Variants in MEFV observed in about 807,000 individuals in gnomAD.
MEFV encodes MEFV innate immunity regulator, pyrin, also known as pyrin.
MEFV carries 60 observed loss-of-function variants against 62.5 expected under a neutral mutation model. That is an observed-to-expected ratio of 0.96 (90% CI 0.78 to 1.19). The LOEUF (loss-of-function observed/expected upper bound fraction) is 1.19, where lower values mean the gene tolerates loss of function less well. MEFV is among the 50% of genes most tolerant of loss of function. The probability of loss-of-function intolerance (pLI) is 0.00; values close to 1 mark genes in which losing one functional copy is unlikely to be tolerated. For synonymous variants in MEFV, 500 were observed against 415.2 expected (o/e 1.20, Z -2.48); for missense variants, 1,169 against 1,004.5 (o/e 1.16, Z -2.21).
chr16:3,248,606 G>T (rs1363660223), intron 4 of MEFV: 8 of 609,842 alleles, frequency 1.3e-5, no homozygotes, highest in African/African-American at 1.1e-4. Context: ...AGAAAGTGGC[G>T]TTCTCCTCCC....
chr16:3,244,325 A>C, intron 7 of MEFV, 39 bp from the exon 8 acceptor site: 1 of 1,613,764 alleles, frequency 6.2e-7, no homozygotes, highest in Non-Finnish European at 8.5e-7. Flanking sequence ...AGCTGGAGTT[A>C]GGTCCCTCAG....
chr16:3,243,114 C>G lies in MEFV; in HGVS notation c.*27G>C. 6.2e-7 allele frequency: 1 copy of G among 1,610,338 alleles called. No individual in the cohort carries two copies. Among genetic ancestry groups the G allele is most frequent in the Non-Finnish European group, 8.5e-7 (1 of 1,178,106 alleles). The stretch of plus-strand genomic sequence containing the variant: ...TGAATGCAAGATACAAGGCCAGAAG[C>G]AGGAAGAGAGATGCAGTGTTGGGCA... On this transcript the variant is annotated 3_prime_UTR_variant, in exon 10 of 10. Coordinates refer to ENST00000219596, the MANE Select transcript of MEFV (RefSeq NM_000243.3).
chr16:3,247,204 C>T lies in MEFV; in HGVS notation c.1399G>A (p.Glu467Lys), dbSNP rs758485822. The T allele has an allele frequency of 1.9e-6, 3 of 1,614,146 alleles. No individual in the cohort carries two copies. The highest frequency in any genetic ancestry group is 1.1e-5 in the South Asian group (1 of 91,084). Reference sequence around the variant, plus strand: ...TGCTCCAGGAAGTAGTACACCTGCTCCAGCTTCCTCTGCACCCGCTGCTTC... The same window carrying T: ...TGCTCCAGGAAGTAGTACACCTGCTTCAGCTTCCTCTGCACCCGCTGCTTC... ...ALKQRVQRKL[E>K]QVYYFLEQQE... is the part of the protein sequence containing the mutation. Residue 467 changes from glutamate (E) to lysine (K), a missense_variant, in exon 5 of 10, where the codon GAG becomes AAG. Transcript: ENST00000219596.
chr16:3,254,642 C>G lies in MEFV; in HGVS notation c.426G>C (p.Leu142=), dbSNP rs1465332482. The G allele has an allele frequency of 5.6e-6, 9 of 1,607,716 alleles. No individual in the cohort carries two copies. Among genetic ancestry groups the G allele is most frequent in the Non-Finnish European group, 7.6e-6 (9 of 1,178,288 alleles). ...PRPYGGGAAS[L]RCSQPEAGRG... ...TCCCGGCCTCGGGCTGGCTGCACCG[C>G]AGGCTGGCAGCTCCGCCCCCGTACG... The change falls in exon 2 of 10, where the codon CTG becomes CTC. Residue 142 remains leucine, a synonymous_variant. Transcript: ENST00000219596.
Position 3,250,633 on chromosome 16 carries a change from A to G in MEFV, c.911-853T>C, listed in dbSNP as rs941230112. On this transcript the variant is annotated intron_variant, in intron 2 of 9. Transcript: ENST00000219596. ...GAAGGGGGGCATTATAGGGCTAAAG[A>G]CTGGAACTCATCATGAAGACCTAAC... 2.0e-5 allele frequency among the ~76,000 whole-genome samples: 3 copies of G among 151,866 alleles called. No individual in the cohort carries two copies. In the South Asian group the frequency reaches 6.2e-4, roughly 32 times the overall value.
intron 3 of MEFV, 85 bp downstream of exon 3, chr16:3,249,345 CA>C: frequency 7.8e-7 from 1 of 1,281,594 alleles, no homozygotes. Flanking sequence ...AATGCACCAA[CA>C]ACCCAGAGTT....
rs1317319069 is a variant in MEFV, at chr16:3,256,537, C to T, written c.51G>A (p.Val17=). The T allele has an allele frequency of 6.8e-6, 11 of 1,614,068 alleles. No individual in the cohort carries two copies. The highest frequency in any genetic ancestry group is 2.7e-5 in the African/African-American group (2 of 74,918). ...DHLLSTLEEL[V]PYDFEKFKFK... is the part of the protein sequence containing the mutation. ...ACTTGAACTTCTCGAAGTCATAGGG[C>T]ACCAGCTCCTCCAGGGTGGACAGCA... Residue 17 remains valine (V), a synonymous_variant, in exon 1 of 10, where the codon GTG becomes GTA. Coordinates refer to ENST00000219596, the MANE Select transcript of MEFV (RefSeq NM_000243.3).
At position 3,243,654 on chromosome 16, in the gene MEFV, G is replaced by A; in HGVS notation, c.1833C>T (p.Leu611=). 6.2e-7 allele frequency: 1 copy of A among 1,602,672 alleles called. No individual in the cohort carries two copies. The highest frequency in any genetic ancestry group is 8.5e-7 in the Non-Finnish European group (1 of 1,174,940). ...ILDAETAYPN[L]IFSDDLKSVR... ...CACTCTTCAGATCATCAGAGAAGAT[G>A]AGGTTGGGGTAAGCGGTTTCTGCAT... The change falls in exon 10 of 10, where the codon CTC becomes CTT. Residue 611 remains leucine, a synonymous_variant. Transcript: ENST00000219596.
chr16:3,254,570 C>A lies in MEFV; in HGVS notation c.498G>T (p.Ser166=). 1 of 1,574,788 alleles carries A rather than the reference C, an allele frequency of 6.4e-7. No individual in the cohort carries two copies. Among genetic ancestry groups the A allele is most frequent in the Non-Finnish European group, 8.6e-7 (1 of 1,164,072 alleles). ...GCTTGCCCTGCGCGTCCAGGCCCTCCGAGGCCTTCTCTCTGCGTTTGCTCA... is the reference window on the plus strand; with the variant it reads ...GCTTGCCCTGCGCGTCCAGGCCCTCAGAGGCCTTCTCTCTGCGTTTGCTCA... ...KPLSKRREKA[S]EGLDAQGKPR... Residue 166 remains serine (S), a synonymous_variant, in exon 2 of 10, where the codon TCG becomes TCT. Coordinates refer to ENST00000219596, the MANE Select transcript of MEFV (RefSeq NM_000243.3).
chr16:3,249,768 T>G lies in MEFV; in HGVS notation c.923A>C (p.Asp308Ala). ...PEHSVTGRPPDTAASPRCHAQ... is the reference protein window; with the variant it reads ...PEHSVTGRPPATAASPRCHAQ... Reference sequence around the variant, plus strand: ...GTGGCAGCGGGGACTCGCAGCCGTGTCTGGTGGCCTTCCTGGGGACATGCA... The same window carrying G: ...GTGGCAGCGGGGACTCGCAGCCGTGGCTGGTGGCCTTCCTGGGGACATGCA... The change falls in exon 3 of 10, where the codon GAC (aspartate) becomes GCC (alanine). Residue 308 changes from aspartate (D) to alanine (A), a missense_variant. Physicochemically the swap from Asp to Ala is moderately radical, Grantham distance 126. Transcript: ENST00000219596. The G allele has an allele frequency of 6.2e-7, 1 of 1,614,050 alleles. No individual in the cohort carries two copies. The highest frequency in any genetic ancestry group is 8.5e-7 in the Non-Finnish European group (1 of 1,179,968).
Position 3,256,580 on chromosome 16 carries a change from T to C in MEFV, c.8A>G (p.Lys3Arg). ...GGACAGCAGATGGTCACTAGGGGTC[T>C]TAGCCATGGTGCTGAGCAGGAGAGG... Reference protein sequence around the residue: MAKTPSDHLLSTL... With the variant: MARTPSDHLLSTL... The change falls in exon 1 of 10, where the codon AAG becomes AGG. Residue 3 changes from lysine to arginine, a missense_variant. Coordinates refer to ENST00000219596, the MANE Select transcript of MEFV (RefSeq NM_000243.3). 6.2e-7 allele frequency: 1 copy of C among 1,614,218 alleles called. No individual in the cohort carries two copies. Among genetic ancestry groups the C allele is most frequent in the South Asian group, 1.1e-5 (1 of 91,088 alleles).
rs1958901451 is a variant in MEFV at position 3,243,992 on chromosome 16, T to G, written c.1760-100A>C. The stretch of plus-strand genomic sequence containing the variant: ...CAACAAGGAAAGACAAGGAACCCCC[T>G]GCTTAGGGCCCTGCATGCTATGTTG... On this transcript the variant is annotated intron_variant, in intron 8 of 9. Coordinates refer to ENST00000219596, the MANE Select transcript of MEFV (RefSeq NM_000243.3). 2.5e-6 allele frequency: 4 copies of G among 1,571,610 alleles called. No individual in the cohort carries two copies. In the African/African-American group the frequency reaches 5.4e-5, roughly 21 times the overall value.
Position 3,248,915 on chromosome 16 carries a change from G to A in MEFV, c.1350C>T (p.Ser450=). The A allele has an allele frequency of 6.2e-7, 1 of 1,614,156 alleles. No homozygotes were observed. The highest frequency in any genetic ancestry group is 1.3e-5 in the African/African-American group (1 of 75,046). Residue 450 remains serine, a synonymous_variant, in exon 4 of 10, where the codon AGC becomes AGT. Coordinates refer to ENST00000219596, the MANE Select transcript of MEFV (RefSeq NM_000243.3). ...CAGCCACCTCTGACCTTACCAGAAA[G>A]CTCACTGCCTTCTCCTCCCCATAGG... is the stretch of plus-strand genomic sequence containing the variant. ...QRSYGEEKAV[S]FLKQTEALKQ... is the part of the protein sequence containing the mutation.
At position 3,249,511 on chromosome 16, in the gene MEFV, T is replaced by G; in HGVS notation, c.1180A>C (p.Ile394Leu). The G allele has an allele frequency of 6.2e-7, 1 of 1,614,204 alleles. No individual in the cohort carries two copies. Among genetic ancestry groups the G allele is most frequent in the Non-Finnish European group, 8.5e-7 (1 of 1,180,036 alleles). ...LLFCEDHDEP[I>L]CLICSLSQEH... ...TGACTCAGACTGCAGATGAGGCAGA[T>G]GGGCTCATCGTGATCCTCACAGAAG... Residue 394 changes from isoleucine to leucine, a missense_variant, in exon 3 of 10, where the codon ATC (isoleucine) becomes CTC (leucine). Physicochemically the swap from Ile to Leu is conservative, Grantham distance 5. Transcript: ENST00000219596.
rs1235496518 is a variant in MEFV at position 3,247,097 on chromosome 16, T to A, written c.1506A>T (p.Val502=). Residue 502 remains valine (V), a synonymous_variant, in exon 5 of 10, where the codon GTA becomes GTT. Coordinates refer to ENST00000219596, the MANE Select transcript of MEFV (RefSeq NM_000243.3). ...GQIRKAYDTR[V]SQDIALLDAL... is the part of the protein sequence containing the mutation. ...CATCGAGCAGGGCGATGTCCTGGGATACGCGGGTGTCATATGCCTTCCTGA... is the reference window on the plus strand; with the variant it reads ...CATCGAGCAGGGCGATGTCCTGGGAAACGCGGGTGTCATATGCCTTCCTGA... The A allele has an allele frequency of 1.9e-6, 3 of 1,614,056 alleles. No individual in the cohort carries two copies. In the African/African-American group the frequency reaches 4.0e-5, roughly 22 times the overall value.
At position 3,249,666 on chromosome 16, in the gene MEFV, G is replaced by C; in HGVS notation, c.1025C>G (p.Pro342Arg). ...AGGTGAGCGGCTGCCTGAGGCCTGG[G>C]GGTGCCCAGAAACTGCCTCGGGGAA... ...CSFPEAVSGHPQASGSRSPGC... is the reference protein window; with the variant it reads ...CSFPEAVSGHRQASGSRSPGC... The change falls in exon 3 of 10, where the codon CCC becomes CGC. Residue 342 changes from proline (P) to arginine (R), a missense_variant. Pro to Arg is a moderately radical substitution (Grantham distance 103, BLOSUM62 -2). Transcript: ENST00000219596. The C allele has an allele frequency of 1.9e-6, 3 of 1,613,204 alleles. No homozygotes were observed.
At position 3,243,468 on chromosome 16, in the gene MEFV, G is replaced by A. The variant is rs1405475975; in HGVS notation, c.2019C>T (p.Ser673=). ...TAWILGACKT[S]ISRKGNMTLS... is the part of the protein sequence containing the mutation. The stretch of plus-strand genomic sequence containing the variant: ...GAGTCATGTTCCCTTTCCTGCTTAT[G>A]GATGTCTTGCAGGCTCCCAGGATCC... The change falls in exon 10 of 10, where the codon TCC becomes TCT. Residue 673 remains serine (S), a synonymous_variant. Coordinates refer to ENST00000219596, the MANE Select transcript of MEFV (RefSeq NM_000243.3). 1 of 1,614,004 alleles carries A rather than the reference G, an allele frequency of 6.2e-7. No homozygotes were observed. The highest frequency in any genetic ancestry group is 1.3e-5 in the African/African-American group (1 of 74,902).
In MEFV at chr16:3,249,487, G is replaced by A. The variant is rs1251878060; in HGVS notation, c.1204C>T (p.Gln402Ter). 4 of 1,614,034 alleles carry A rather than the reference G, an allele frequency of 2.5e-6. No homozygotes were observed. Among genetic ancestry groups the A allele is most frequent in the Non-Finnish European group, 3.4e-6 (4 of 1,180,042 alleles). Residue 402 changes from glutamine (Q) to a stop codon, truncating the protein, a stop_gained, in exon 3 of 10, where the codon CAG becomes TAG. Coordinates refer to ENST00000219596, the MANE Select transcript of MEFV (RefSeq NM_000243.3). LOFTEE classifies it high-confidence loss of function. Reference sequence around the variant, plus strand: ...CGCACCCGGTGGCCTTGGTGCTCCTGACTCAGACTGCAGATGAGGCAGATG... The same window carrying A: ...CGCACCCGGTGGCCTTGGTGCTCCTAACTCAGACTGCAGATGAGGCAGATG... ...EPICLICSLS[Q>*]EHQGHRVRPI...
Position 3,256,355 on chromosome 16 carries a change from T to C in MEFV, c.233A>G (p.Asn78Ser), listed in dbSNP as rs145015653. 8.7e-6 allele frequency: 14 copies of C among 1,613,794 alleles called. No individual in the cohort carries two copies. The highest frequency in any genetic ancestry group is 2.2e-5 in the East Asian group (1 of 44,886). ...GAGCTCCTCGGCCAGCAGGCGCTGG[T>C]TGATGGCCCGCAGGACCTGCAGGGT... ...QLTLQVLRAI[N>S]QRLLAEELHR... Residue 78 changes from asparagine to serine, a missense_variant, in exon 1 of 10, where the codon AAC (asparagine) becomes AGC (serine). Physicochemically the swap from Asn to Ser is conservative, Grantham distance 46 (BLOSUM62 1). Transcript: ENST00000219596.
Sources: allele counts gnomAD v4.1 joint callset (sites outside exome capture counted in the v4.1 genomes callset), GRCh38; gene constraint gnomAD v4.1.1; transcripts MANE v1.5; gene names NCBI Gene and HGNC (gene_info 2026-07-23, HGNC 2026-07-21).